Variants in DOP1A observed in about 807,000 individuals in gnomAD.
DOP1A encodes the protein DOP1 leucine zipper like protein A, also known as protein DOP1A.
Under a neutral mutation model 267.6 loss-of-function variants are expected in DOP1A, and 90 were observed. The observed-to-expected ratio is 0.34, with a 90% CI of 0.28 to 0.40. The LOEUF (loss-of-function observed/expected upper bound fraction) is 0.40. DOP1A is among the 10% of genes least tolerant of loss of function. The probability of loss-of-function intolerance (pLI) is 1.00; values close to 1 mark genes in which losing one functional copy is unlikely to be tolerated. For missense variants in DOP1A, 2,437 were observed against 2,900.4 expected, an observed-to-expected ratio of 0.84 and a Z score of 3.67; for synonymous variants, 932 against 999.1, an observed-to-expected ratio of 0.93 and a Z score of 1.27.
At chr6:83,163,762 A>G (rs2128437358) in intron 38 of DOP1A, among the ~76,000 whole-genome samples, 1 of 152,298 alleles carries the variant, frequency 6.6e-6, no homozygotes, top group South Asian at 2.1e-4. Context: ...TTTTTAAAAC[A>G]GTGCTCAGAG....
chr6:83,142,595 T>G (rs928589651), intron 24 of DOP1A, among the ~76,000 whole-genome samples: 1 of 152,058 alleles, frequency 6.6e-6, no homozygotes, highest in African/African-American at 2.4e-5. Flanking sequence ...AGTATGATAT[T>G]AAAACTAAAT....
intron 1 of DOP1A, among the ~76,000 whole-genome samples, chr6:83,080,852 C>T (rs1767950450): frequency 6.6e-6 from 1 of 152,122 alleles, no homozygotes; most frequent in African/African-American, 2.4e-5. Context: ...AGATTCAATA[C>T]AATTCCTATC....
intron 1 of DOP1A, among the ~76,000 whole-genome samples, chr6:83,073,370 G>T (rs927729817): frequency 1.3e-5 from 2 of 152,070 alleles, no homozygotes; most frequent in Admixed American, 6.5e-5. Flanking sequence ...TTACAGGTGT[G>T]AGCCACCACA....
rs747163309 is a variant in DOP1A, at chr6:83,154,253, G to A, written c.6451+12G>A. On this transcript the variant is annotated intron_variant, in intron 33 of 38. Coordinates refer to ENST00000349129, the MANE Select transcript of DOP1A (RefSeq NM_015018.4). The stretch of plus-strand genomic sequence containing the variant: ...TAGAGATTTGATGAGTGAGTATTAC[G>A]GGATGACAATCCAAGTTCTTTCCTG... The A allele has an allele frequency of 1.4e-5, 23 of 1,610,308 alleles. No individual in the cohort carries two copies. The highest frequency in any genetic ancestry group is 1.4e-5 in the Non-Finnish European group (17 of 1,177,494).
intron 34 of DOP1A, among the ~76,000 whole-genome samples, chr6:83,156,565 T>C (rs1312832398): frequency 6.6e-6 from 1 of 152,194 alleles, no homozygotes; most frequent in East Asian, 1.9e-4. Context: ...TTGGTGACCT[T>C]CTGTATCCAG....
At chr6:83,143,341 A>G (rs1019864299) in intron 24 of DOP1A, among the ~76,000 whole-genome samples, 2 of 152,218 alleles carry the variant, frequency 1.3e-5, no homozygotes, top group African/African-American at 2.4e-5. Flanking sequence ...AGCTGATAAT[A>G]TGTAATTCAC....
chr6:83,105,715 A>G (rs926893791), intron 4 of DOP1A, among the ~76,000 whole-genome samples: 20 of 152,284 alleles, frequency 1.3e-4, no homozygotes, highest in African/African-American at 4.3e-4. Flanking sequence ...TATTTTTGAT[A>G]GTAATAAATA....
At position 83,148,983 on chromosome 6, in the gene DOP1A, T is replaced by C. The variant is rs577483087; in HGVS notation, c.5837+120T>C. On this transcript the variant is annotated intron_variant, in intron 27 of 38. Coordinates refer to ENST00000349129, the MANE Select transcript of DOP1A (RefSeq NM_015018.4). ...ATCTCTCTACCTTCTCATAGTGTTCTTGAGATGCAAAACTAGATGTATAAG... is the reference window on the plus strand; with the variant it reads ...ATCTCTCTACCTTCTCATAGTGTTCCTGAGATGCAAAACTAGATGTATAAG... The C allele has an allele frequency of 1.5e-4, 83 of 567,382 alleles. 2 individuals carry two copies. In the South Asian group the frequency reaches 3.1e-3, roughly 21 times the overall value. 35.1% of individuals were successfully genotyped at this position (567,382 alleles called of 1,614,324 possible).
chr6:83,170,403 T>C (rs376366856), downstream of DOP1A: 2 of 1,614,118 alleles, frequency 1.2e-6, no homozygotes, highest in Non-Finnish European at 1.7e-6. Context: ...AGGTCATTGA[T>C]TGCCTCCTGT....
At chr6:83,130,086 T>TA (rs1777789426) in intron 16 of DOP1A, 37 bp from the exon 17 acceptor site, 2 of 1,596,340 alleles carry the variant, frequency 1.3e-6, no homozygotes, top group South Asian at 2.3e-5. Context: ...AAATGTTTAG[T>TA]ATAATGAACT....
downstream of DOP1A, chr6:83,170,223 G>T: frequency 7.8e-7 from 1 of 1,275,906 alleles, no homozygotes; most frequent in Non-Finnish European, 1.1e-6. Flanking sequence ...TCATCATAGT[G>T]AGATTCTAAA....
intron 7 of DOP1A, among the ~76,000 whole-genome samples, chr6:83,115,296 C>A (rs2093980408): frequency 6.6e-6 from 1 of 152,058 alleles, no homozygotes; most frequent in African/African-American, 2.4e-5. Context: ...TATATTGATC[C>A]TGTACAACAT....
intron 1 of DOP1A, among the ~76,000 whole-genome samples, chr6:83,092,825 T>A (rs1447684547): frequency 6.6e-6 from 1 of 152,180 alleles, no homozygotes; most frequent in African/African-American, 2.4e-5. Flanking sequence ...AGTTATCATC[T>A]ATAGCATGGA....
At chr6:83,169,653 C>T, downstream of DOP1A, 1 of 468,576 alleles carries the variant, frequency 2.1e-6, no homozygotes, top group Non-Finnish European at 4.2e-6. Flanking sequence ...CCTCTGTTGC[C>T]ATCTCCTCAT....
intron 12 of DOP1A, 126 bp downstream of exon 12, chr6:83,123,108 C>T (rs1210913210): frequency 1.9e-5 from 20 of 1,061,060 alleles, no homozygotes; most frequent in Non-Finnish European, 2.5e-5. Flanking sequence ...CTGTTACTTA[C>T]TATCCATAAT....
rs1779746170 is a variant in DOP1A, at chr6:83,142,113, T to G, written c.5541+67T>G. 3 of 1,569,526 alleles carry G rather than the reference T, an allele frequency of 1.9e-6. No homozygotes were observed. In the African/African-American group the frequency reaches 4.1e-5, roughly 22 times the overall value. On this transcript the variant is annotated intron_variant, in intron 24 of 38. Transcript: ENST00000349129. ...GTGAGTACATGCTAATTTCCACTTC[T>G]CCATATATTGCAGTGGGGCCGGGGT...
At chr6:83,088,716 G>A (rs1041931969) in intron 1 of DOP1A, among the ~76,000 whole-genome samples, 2 of 152,054 alleles carry the variant, frequency 1.3e-5, no homozygotes, top group African/African-American at 2.4e-5. Flanking sequence ...CACCATGCCC[G>A]GCCTTCATCC....
At chr6:83,122,366 C>T (rs1477866754) in intron 11 of DOP1A, among the ~76,000 whole-genome samples, 1 of 151,736 alleles carries the variant, frequency 6.6e-6, no homozygotes, top group Admixed American at 6.6e-5. Context: ...ATTAACAGCA[C>T]TAGTTGGTTT....
At chr6:83,076,216 C>A (rs1469248525) in intron 1 of DOP1A, among the ~76,000 whole-genome samples, 1 of 152,092 alleles carries the variant, frequency 6.6e-6, no homozygotes, top group Non-Finnish European at 1.5e-5. Flanking sequence ...ATATAAATGG[C>A]CAGCAAACAT....
Sources: allele counts gnomAD v4.1 joint callset (sites outside exome capture counted in the v4.1 genomes callset), GRCh38; gene constraint gnomAD v4.1.1; transcripts MANE v1.5; gene names NCBI Gene and HGNC (gene_info 2026-07-23, HGNC 2026-07-21).